HDX: variants seen among roughly 807,000 people sequenced by gnomAD.
HDX encodes chromosome X open reading frame 43.
HDX carries 19 observed loss-of-function variants against 45.2 expected under a neutral mutation model. That is an observed-to-expected ratio of 0.42 (90% confidence interval 0.29 to 0.62). The LOEUF (loss-of-function observed/expected upper bound fraction) is 0.62, where lower values mean the gene tolerates loss of function less well. HDX is among the 20% of genes least tolerant of loss of function. The pLI is 0.20. For missense variants in HDX, 532 were observed against 493.9 expected, an observed-to-expected ratio of 1.08 and a Z score of -0.73; for synonymous variants, 188 against 172.8, an observed-to-expected ratio of 1.09 and a Z score of -0.69.
intron 5 of HDX, among the ~76,000 whole-genome samples, chrX:84,438,028 A>C (rs777808168): frequency 1.9e-4 from 21 of 110,649 alleles, no homozygotes; most frequent in African/African-American, 6.6e-4. Flanking sequence ...GTTGTTCTTG[A>C]AATTCCTGCT....
intron 5 of HDX, among the ~76,000 whole-genome samples, chrX:84,410,985 T>C (rs1265713719): frequency 1.8e-5 from 2 of 111,838 alleles, no homozygotes; most frequent in Non-Finnish European, 3.8e-5. Flanking sequence ...TGAGGGTTTT[T>C]GTATTTCTGT....
Position 84,399,788 on chromosome X carries a change from A to T in HDX, c.1306-38176T>A, listed in dbSNP as rs1422891550. On this transcript the variant is annotated intron_variant, in intron 5 of 10. Coordinates refer to ENST00000373177, the MANE Select transcript of HDX (RefSeq NM_001177479.2). ...AAAAAACTTCAGGCCATTATCCCTG[A>T]TAATCACCGATGTGAAAATCCTCAA... is the stretch of plus-strand genomic sequence containing the variant. Among the ~76,000 whole-genome samples, 10 of 111,720 alleles carry T rather than the reference A, an allele frequency of 9.0e-5. No individual in the cohort carries two copies. In the South Asian group the frequency reaches 3.8e-3, roughly 42 times the overall value.
intron 1 of HDX, among the ~76,000 whole-genome samples, chrX:84,489,565 G>C (rs901245520): frequency 3.6e-5 from 4 of 111,373 alleles, no homozygotes; most frequent in Non-Finnish European, 7.5e-5. Context: ...AGGGAAATCA[G>C]TGGGCCAAGT....
intron 2 of HDX, among the ~76,000 whole-genome samples, chrX:84,486,878 T>C: frequency 8.9e-6 from 1 of 111,868 alleles, no homozygotes; most frequent in Middle Eastern, 4.6e-3. Context: ...TTTTCATCTT[T>C]TACAAAATTT....
chrX:84,356,458 T>C (rs946948877), intron 6 of HDX, among the ~76,000 whole-genome samples: 3 of 110,842 alleles, frequency 2.7e-5, no homozygotes, highest in African/African-American at 9.8e-5. Flanking sequence ...TTCCTCCTTT[T>C]TCACAGATTA....
intron 7 of HDX, among the ~76,000 whole-genome samples, chrX:84,341,400 A>G (rs1166282200): frequency 9.0e-6 from 1 of 111,441 alleles, no homozygotes; most frequent in East Asian, 2.8e-4. Context: ...ATTCTCTGTT[A>G]TCATCTTCAA....
At chrX:84,448,187 T>C (rs1477813565) in intron 4 of HDX, among the ~76,000 whole-genome samples, 1 of 111,440 alleles carries the variant, frequency 9.0e-6, no homozygotes, top group African/African-American at 3.3e-5. Context: ...ACCCAGCCCA[T>C]CACAGCCACT....
Position 84,326,309 on chromosome X carries a change from G to GA in HDX, c.1825-10dup, listed in dbSNP as rs1367819522. On this transcript the variant is annotated splice_polypyrimidine_tract_variant and intron_variant, in intron 9 of 10. Coordinates refer to ENST00000373177, the MANE Select transcript of HDX (RefSeq NM_001177479.2). ...AATTTGACTTCTTCATTCTGAAAGA[G>GA]AAAATACCAAATGATACAATTACCT... 1 of 1,159,510 alleles carries GA rather than the reference G, an allele frequency of 8.6e-7. No individual in the cohort carries two copies. The highest frequency in any genetic ancestry group is 1.8e-5 in the African/African-American group (1 of 56,093).
intron 5 of HDX, among the ~76,000 whole-genome samples, chrX:84,386,920 C>T (rs956857616): frequency 2.1e-4 from 23 of 109,609 alleles, no homozygotes; most frequent in Non-Finnish European, 3.2e-4. Flanking sequence ...TCCCTAGTTC[C>T]TTTAGTTGCA....
intron 5 of HDX, among the ~76,000 whole-genome samples, chrX:84,366,180 A>G (rs1210250330): frequency 8.9e-6 from 1 of 111,795 alleles, no homozygotes; most frequent in Non-Finnish European, 1.9e-5. Context: ...GCACTCCTAT[A>G]CACCAATAAT....
chrX:84,461,576 C>T (rs2179202), intron 4 of HDX, among the ~76,000 whole-genome samples: 54,947 of 109,473 alleles, frequency 0.5, 11,217 homozygotes, highest in African/African-American at 0.79. Context: ...AAGAAAACTT[C>T]GGCAAAAATC....
At chrX:84,451,704 C>T (rs2040001991) in intron 4 of HDX, among the ~76,000 whole-genome samples, 2 of 110,606 alleles carry the variant, frequency 1.8e-5, no homozygotes, top group Admixed American at 9.7e-5. Context: ...GATACCAACA[C>T]TAGACAAGGA....
chrX:84,319,054 C>T lies in HDX; in HGVS notation c.*2835G>A, dbSNP rs1172736072. 9.0e-6 allele frequency: 1 copy of T among 110,945 alleles called. No individual in the cohort carries two copies. Among genetic ancestry groups the T allele is most frequent in the Non-Finnish European group, 1.9e-5 (1 of 52,500 alleles). 9.1% of individuals were successfully genotyped at this position (110,945 alleles called of 1,213,427 possible). A position where few individuals can be genotyped will look rare whatever the true frequency, so the allele number is the denominator to read the frequency against. On this transcript the variant is annotated 3_prime_UTR_variant, in exon 11 of 11. Transcript: ENST00000373177. ...TGGAAGGTAAGTGCTCTTACATACA[C>T]ATTTCTGGCTTAAAAACTGCTTGGC...
chrX:84,326,385 A>C (rs183626475), intron 9 of HDX, 85 bp from the exon 10 acceptor site: 27 of 688,595 alleles, frequency 3.9e-5, no homozygotes, highest in Middle Eastern at 4.6e-4. Flanking sequence ...ATTCTAAAAA[A>C]CCATCAAATT....
intron 5 of HDX, among the ~76,000 whole-genome samples, chrX:84,414,596 TA>T (rs35478885): frequency 0.26 from 28,493 of 111,190 alleles, 3,098 homozygotes; most frequent in Admixed American, 0.37. Context: ...GTGTTCTTAC[TA>T]AATAAGGGCT....
chrX:84,364,490 C>A (rs1472880663), intron 5 of HDX, among the ~76,000 whole-genome samples: 1 of 87,887 alleles, frequency 1.1e-5, no homozygotes, highest in East Asian at 3.8e-4. Context: ...AAGTTATTCA[C>A]CTTTTTTTTT....
intron 2 of HDX, among the ~76,000 whole-genome samples, chrX:84,478,496 C>G (rs1345626621): frequency 8.9e-6 from 1 of 111,738 alleles, no homozygotes; most frequent in Non-Finnish European, 1.9e-5. Flanking sequence ...ATACTTAAAA[C>G]CAGCTCAATG....
intron 8 of HDX, among the ~76,000 whole-genome samples, chrX:84,335,142 C>T (rs910034294): frequency 9.0e-5 from 10 of 110,594 alleles, no homozygotes; most frequent in African/African-American, 3.3e-4. Context: ...ATTTTGTTTT[C>T]TATTCTAATC....
At chrX:84,442,803 G>C (rs2039790299) in intron 4 of HDX, among the ~76,000 whole-genome samples, 1 of 110,386 alleles carries the variant, frequency 9.1e-6, no homozygotes, top group Admixed American at 9.7e-5. Flanking sequence ...TGACCATATA[G>C]AATTTCTAGA....
Sources: allele counts gnomAD v4.1 joint callset (sites outside exome capture counted in the v4.1 genomes callset), GRCh38; gene constraint gnomAD v4.1.1; transcripts MANE v1.5; gene names NCBI Gene and HGNC (gene_info 2026-07-23, HGNC 2026-07-21).